PSME4: variants seen among roughly 807,000 people sequenced by gnomAD.
The protein encoded by PSME4 is proteasome activator subunit 4.
Under a neutral mutation model 253.9 loss-of-function variants are expected in PSME4, and 89 were observed. The ratio of observed to expected loss-of-function variants is 0.35; its 90% CI spans 0.30 to 0.42. PSME4 has a LOEUF of 0.42. Ranked by LOEUF, PSME4 falls within the 10% of genes least tolerant of loss-of-function variation. PSME4 has a pLI of 1.00. For synonymous variants in PSME4, 851 were observed against 759.2 expected (o/e 1.12, Z -1.99); for missense variants, 2,014 against 2,195.2 (o/e 0.92, Z 1.65).
At chr2:53,899,685 G>A (rs1232218216) in intron 29 of PSME4, among the ~76,000 whole-genome samples, 196 bp downstream of exon 29, 1 of 151,908 alleles carries the variant, frequency 6.6e-6, no homozygotes, top group African/African-American at 2.4e-5. Context: ...GGGTGTGGTG[G>A]TGCATGCCTG....
chr2:53,874,525 A>T, intron 42 of PSME4, 31 bp from the exon 43 acceptor site: 1 of 1,601,210 alleles, frequency 6.2e-7, no homozygotes, highest in Non-Finnish European at 8.5e-7. Flanking sequence ...TAAACGATAA[A>T]GCAGTACTGA....
At chr2:53,907,550 G>A (rs1183544539) in intron 24 of PSME4, among the ~76,000 whole-genome samples, 2 of 152,112 alleles carry the variant, frequency 1.3e-5, no homozygotes, top group East Asian at 1.9e-4. Context: ...TGTTCACAGT[G>A]GTGGCAGAGC....
intron 10 of PSME4, among the ~76,000 whole-genome samples, chr2:53,931,065 G>T (rs1668806376): frequency 6.6e-6 from 1 of 152,192 alleles, no homozygotes; most frequent in African/African-American, 2.4e-5. Flanking sequence ...ATCACCTGAG[G>T]TCAGGAGTTC....
intron 24 of PSME4, 43 bp from the exon 25 acceptor site, chr2:53,906,911 A>G (rs1329296535): frequency 1.3e-6 from 2 of 1,579,860 alleles, no homozygotes; most frequent in Non-Finnish European, 1.7e-6. Flanking sequence ...ATTTTCCCTA[A>G]ATGACTTCAA....
chr2:53,893,901 C>T, intron 34 of PSME4, 102 bp from the exon 35 acceptor site: 3 of 1,407,132 alleles, frequency 2.1e-6, no homozygotes, highest in South Asian at 1.6e-5. Context: ...CAAAAGCAGG[C>T]TGTATTTTTG....
intron 1 of PSME4, among the ~76,000 whole-genome samples, chr2:53,957,972 G>A (rs527354984): frequency 6.6e-6 from 1 of 152,044 alleles, no homozygotes; most frequent in Admixed American, 6.6e-5. Context: ...GCTCACTTGA[G>A]GTCAGGAGTT....
At position 53,890,150 on chromosome 2, in the gene PSME4, G is replaced by A; in HGVS notation, c.4250C>T (p.Thr1417Ile). 1 of 1,613,960 alleles carries A rather than the reference G, an allele frequency of 6.2e-7. No homozygotes were observed. The highest frequency in any genetic ancestry group is 8.5e-7 in the Non-Finnish European group (1 of 1,179,906). ...PLLRTALSNITVETYNDWGAC... is the reference protein window; with the variant it reads ...PLLRTALSNIIVETYNDWGAC... ...TCCCCAGTCATTATAAGTTTCTACG[G>A]TAATATTGGACAGTGCTGTTCTAAG... Residue 1417 changes from threonine to isoleucine, a missense_variant, in exon 37 of 47, where the codon ACC (threonine) becomes ATC (isoleucine). This residue lies in a region of PSME4 where 403 missense variants were observed against 556.1 expected (regional missense o/e 0.72). Transcript: ENST00000404125.
At chr2:53,918,218 T>C (rs1417514989) in intron 20 of PSME4, among the ~76,000 whole-genome samples, 1 of 152,200 alleles carries the variant, frequency 6.6e-6, no homozygotes, top group Non-Finnish European at 1.5e-5. Context: ...TGAATGTGAT[T>C]TACATGTGAT....
chr2:53,919,294 T>C (rs1164131912), intron 19 of PSME4, 48 bp from the exon 20 acceptor site: 1 of 1,529,810 alleles, frequency 6.5e-7, no homozygotes, highest in Non-Finnish European at 8.7e-7. Context: ...CCCTATTTAA[T>C]AAGCCTGCTA....
chr2:53,879,393 G>GAAAAAAAAA (rs1424846045), intron 41 of PSME4, among the ~76,000 whole-genome samples: 1 of 151,908 alleles, frequency 6.6e-6, no homozygotes, highest in Non-Finnish European at 1.5e-5. Context: ...AGTCTCTTCA[G>GAAAAAAAAA]AAAAAAAGCA....
chr2:53,940,972 T>A (rs957429184), intron 3 of PSME4, among the ~76,000 whole-genome samples: 3,404 of 62,934 alleles, frequency 0.054, 358 homozygotes, highest in African/African-American at 0.1. Flanking sequence ...TATATATATA[T>A]ATATATATAT....
chr2:53,870,967 A>T (rs1678850011), intron 43 of PSME4: 1 of 152,014 alleles, frequency 6.6e-6, no homozygotes, highest in Admixed American at 6.5e-5. Flanking sequence ...AGATTACAAA[A>T]ATTGGGATTA....
chr2:53,963,533 T>C (rs916574249), intron 1 of PSME4, among the ~76,000 whole-genome samples: 1 of 152,230 alleles, frequency 6.6e-6, no homozygotes, highest in Non-Finnish European at 1.5e-5. Context: ...TCTTGTGTCT[T>C]CATTTTTTAA....
At chr2:53,902,621 A>G (rs1022625194) in intron 27 of PSME4, among the ~76,000 whole-genome samples, 5 of 152,172 alleles carry the variant, frequency 3.3e-5, no homozygotes, top group African/African-American at 1.2e-4. Context: ...AAGGTCAACA[A>G]CAGAATAGTC....
chr2:53,898,026 A>C, intron 30 of PSME4, 27 bp from the exon 31 acceptor site: 1 of 1,598,912 alleles, frequency 6.3e-7, no homozygotes, highest in Non-Finnish European at 8.5e-7. Context: ...ATAACAAAGC[A>C]TATCACACAT....
intron 45 of PSME4, 73 bp from the exon 46 acceptor site, chr2:53,866,296 T>C: frequency 6.7e-7 from 1 of 1,496,214 alleles, no homozygotes; most frequent in Non-Finnish European, 9.1e-7. Context: ...TACTTTTAGT[T>C]AAATTACCGT....
chr2:53,953,669 A>AT (rs912974652), intron 1 of PSME4, among the ~76,000 whole-genome samples: 5 of 151,082 alleles, frequency 3.3e-5, no homozygotes, highest in Middle Eastern at 3.4e-3. Flanking sequence ...ACCAATCTTC[A>AT]TTTTTTAGAC....
chr2:53,955,392 C>T (rs929132351), intron 1 of PSME4, among the ~76,000 whole-genome samples: 2 of 152,098 alleles, frequency 1.3e-5, no homozygotes, highest in African/African-American at 4.8e-5. Flanking sequence ...TTTTTTAAAG[C>T]TCATCAGCTA....
In PSME4 at chr2:53,923,342, G is replaced by A. The variant is rs139098624; in HGVS notation, c.1887C>T (p.Asp629=). The change falls in exon 15 of 47, where the codon GAC becomes GAT. Residue 629 remains aspartate (D), a synonymous_variant. Transcript: ENST00000404125. The part of the protein sequence containing the change: ...ETRVAGRMVA[D]MCRAAVKCCP... ...TCACCTTTACAGCAGCGCGGCACAT[G>A]TCTGCCACCATGCGACCTGCTACTC... The A allele has an allele frequency of 2.3e-4, 366 of 1,608,976 alleles. 1 individual carries two copies. Among genetic ancestry groups the A allele is most frequent in the South Asian group, 7.9e-4 (71 of 89,506 alleles).
Sources: gnomAD v4.1 joint callset for allele counts (sites outside exome capture counted in the v4.1 genomes callset) on GRCh38, gnomAD v4.1.1 for gene constraint, gnomAD v4.1.1 regional missense constraint, MANE v1.5 for transcripts, NCBI Gene and HGNC (gene_info 2026-07-23, HGNC 2026-07-21) for gene names.